SLC25A24: variants seen among roughly 807,000 people sequenced by gnomAD.
SLC25A24 encodes the protein mitochondrial adenyl nucleotide antiporter SLC25A24.
Under a neutral mutation model 60.7 loss-of-function variants are expected in SLC25A24, and 49 were observed. The ratio of observed to expected loss-of-function variants is 0.81; its 90% CI spans 0.64 to 1.02. The LOEUF (loss-of-function observed/expected upper bound fraction) is 1.02. Among genes scored for constraint, SLC25A24 ranks in the 50% least tolerant of loss-of-function variants. SLC25A24 has a pLI of 0.00. For synonymous variants in SLC25A24, 202 were observed against 200.6 expected (o/e 1.01, Z -0.06); for missense variants, 564 against 586.3 (o/e 0.96, Z 0.39).
chr1:108,177,432 A>G (rs1257374969), intron 3 of SLC25A24, among the ~76,000 whole-genome samples: 1 of 152,220 alleles, frequency 6.6e-6, no homozygotes, highest in African/African-American at 2.4e-5. Context: ...TACCTTGAAC[A>G]TGAATGGATT....
chr1:108,151,125 T>C (rs1679744272), intron 6 of SLC25A24, among the ~76,000 whole-genome samples: 1 of 151,900 alleles, frequency 6.6e-6, no homozygotes, highest in Non-Finnish European at 1.5e-5. Flanking sequence ...CACTTGAACC[T>C]AGGAGGCAGA....
At chr1:108,195,685 A>G (rs1405922419) in intron 1 of SLC25A24, among the ~76,000 whole-genome samples, 1 of 152,198 alleles carries the variant, frequency 6.6e-6, no homozygotes, top group Non-Finnish European at 1.5e-5. Flanking sequence ...AGAAACCATA[A>G]CATGTCTGAC....
At chr1:108,139,629 TTTTG>T (rs370512992) in intron 8 of SLC25A24, among the ~76,000 whole-genome samples, 37 of 152,230 alleles carry the variant, frequency 2.4e-4, no homozygotes, top group African/African-American at 7.9e-4. Flanking sequence ...TCAGCGGAGT[TTTTG>T]TTTGTTTTTT....
intron 1 of SLC25A24, among the ~76,000 whole-genome samples, chr1:108,195,091 A>C (rs1648454962): frequency 6.6e-6 from 1 of 152,240 alleles, no homozygotes; most frequent in South Asian, 2.1e-4. Flanking sequence ...GGTGGACTCC[A>C]TTCAATCCTT....
chr1:108,145,717 C>T (rs939581427), intron 7 of SLC25A24, among the ~76,000 whole-genome samples: 6 of 151,896 alleles, frequency 4.0e-5, no homozygotes, highest in South Asian at 2.1e-4. Flanking sequence ...TGGTTGTAGA[C>T]GTGTGGTGTT....
chr1:108,155,988 C>T (rs1334513449), intron 5 of SLC25A24, among the ~76,000 whole-genome samples: 1 of 150,070 alleles, frequency 6.7e-6, no homozygotes, highest in Admixed American at 6.6e-5. Flanking sequence ...CACACACTCA[C>T]AGAACGGGTT....
chr1:108,148,881 C>T (rs1020537539), intron 6 of SLC25A24, among the ~76,000 whole-genome samples: 3 of 152,306 alleles, frequency 2.0e-5, no homozygotes, highest in Admixed American at 6.5e-5. Flanking sequence ...GTATACACTA[C>T]ATTAATAATA....
In SLC25A24 at chr1:108,143,678, A is replaced by T; in HGVS notation, c.963T>A (p.Thr321=). The T allele has an allele frequency of 1.2e-6, 2 of 1,612,374 alleles. No homozygotes were observed. Among genetic ancestry groups the T allele is most frequent in the African/African-American group, 1.3e-5 (1 of 74,988 alleles). ...AATCATATATTCCAGAGTACTGCCC[A>T]GTTTTGCCTACAGCCAGCCTGGTTT... is the stretch of plus-strand genomic sequence containing the variant. ...VMKTRLAVGK[T]GQYSGIYDCA... is the part of the protein sequence containing the mutation. The change falls in exon 8 of 10, where the codon ACT becomes ACA. Residue 321 remains threonine (T), a synonymous_variant. Transcript: ENST00000565488.
Position 108,185,825 on chromosome 1 carries a change from C to T in SLC25A24, c.310+3G>A. ...TGGTGATAAATACAAAAGAAAGACA[C>T]ACCATCATTATTTTTGTCTAAACTC... On this transcript the variant is annotated splice_donor_region_variant and intron_variant, in intron 2 of 9. Transcript: ENST00000565488. 3 of 1,582,680 alleles carry T rather than the reference C, an allele frequency of 1.9e-6. No individual in the cohort carries two copies. The highest frequency in any genetic ancestry group is 2.6e-6 in the Non-Finnish European group (3 of 1,158,256).
At chr1:108,154,678 G>A (rs1311491284) in intron 6 of SLC25A24, among the ~76,000 whole-genome samples, 1 of 151,962 alleles carries the variant, frequency 6.6e-6, no homozygotes, top group Admixed American at 6.6e-5. Flanking sequence ...TAAAACTTAT[G>A]TTAGTGTGCT....
At chr1:108,142,049 G>C (rs1411600957) in intron 8 of SLC25A24, among the ~76,000 whole-genome samples, 2 of 152,168 alleles carry the variant, frequency 1.3e-5, no homozygotes, top group Non-Finnish European at 2.9e-5. Context: ...AGCACAAGAA[G>C]TAAAGTCCTG....
chr1:108,179,402 A>G (rs1647831986), intron 3 of SLC25A24, among the ~76,000 whole-genome samples: 1 of 152,152 alleles, frequency 6.6e-6, no homozygotes, highest in Non-Finnish European at 1.5e-5. Flanking sequence ...ATGTGTGTGT[A>G]TACATATATA....
At chr1:108,187,922 T>TTATATATATATATATATATATA (rs1470627510) in intron 1 of SLC25A24, among the ~76,000 whole-genome samples, 686 of 50,966 alleles carry the variant, frequency 0.013, 23 homozygotes, top group African/African-American at 0.033. Flanking sequence ...GGATAAGACA[T>TTATATATATATATATATATATA]TATAGATATA....
At chr1:108,198,827 C>G (rs1344703429) in intron 1 of SLC25A24, 1 of 152,244 alleles carries the variant, frequency 6.6e-6, no homozygotes, top group Non-Finnish European at 1.5e-5. Context: ...GCAGCAAGGT[C>G]GTCCCTTTCC....
rs140386777 is a variant in SLC25A24, at chr1:108,143,592, T to C, written c.1049A>G (p.Asn350Ser). Residue 350 changes from asparagine (N) to serine (S), a missense_variant, in exon 8 of 10, where the codon AAT (asparagine) becomes AGT (serine). Asn to Ser is a conservative substitution (Grantham distance 46). Coordinates refer to ENST00000565488, the MANE Select transcript of SLC25A24 (RefSeq NM_013386.5). The stretch of plus-strand genomic sequence containing the variant: ...TGCATAAGGTATGATACCTAATAAA[T>C]TGGGAACATAGCCTTTGTAAAAAGC... ...LGAFYKGYVP[N>S]LLGIIPYAGI... 4 of 1,613,838 alleles carry C rather than the reference T, an allele frequency of 2.5e-6. No individual in the cohort carries two copies. The highest frequency in any genetic ancestry group is 2.7e-5 in the African/African-American group (2 of 75,040).
At chr1:108,192,465 T>A (rs1648371518) in intron 1 of SLC25A24, 1 of 1,427,818 alleles carries the variant, frequency 7.0e-7, no homozygotes, top group African/African-American at 1.4e-5. Flanking sequence ...AGCCCCAACG[T>A]CTCTCTGATT....
At chr1:108,144,343 T>C (rs572626030) in intron 7 of SLC25A24, among the ~76,000 whole-genome samples, 11 of 152,316 alleles carry the variant, frequency 7.2e-5, no homozygotes, top group Non-Finnish European at 1.3e-4. Context: ...ACTTTTCCTG[T>C]AAAGACTAAA....
At position 108,143,692 on chromosome 1, in the gene SLC25A24, C is replaced by T. The variant is rs984980686; in HGVS notation, c.949G>A (p.Ala317Thr). The T allele has an allele frequency of 1.2e-6, 2 of 1,609,996 alleles. No individual in the cohort carries two copies. Among genetic ancestry groups the T allele is most frequent in the African/African-American group, 2.7e-5 (2 of 74,670 alleles). ...GAGTACTGCCCAGTTTTGCCTACAG[C>T]CAGCCTGGTTTTCATAACCTGGATA... ...YPMEVMKTRL[A>T]VGKTGQYSGI... The change falls in exon 8 of 10, where the codon GCT becomes ACT. Residue 317 changes from alanine (A) to threonine (T), a missense_variant. Coordinates refer to ENST00000565488, the MANE Select transcript of SLC25A24 (RefSeq NM_013386.5).
chr1:108,185,553 C>T (rs944980251), intron 2 of SLC25A24, among the ~76,000 whole-genome samples: 5 of 151,958 alleles, frequency 3.3e-5, no homozygotes, highest in African/African-American at 1.2e-4. Flanking sequence ...CATAATGTTC[C>T]ATAGTTAACA....
Sources: allele counts gnomAD v4.1 joint callset (sites outside exome capture counted in the v4.1 genomes callset), GRCh38; gene constraint gnomAD v4.1.1; transcripts MANE v1.5; gene names NCBI Gene and HGNC (gene_info 2026-07-23, HGNC 2026-07-21).